Variants in CDHR2 observed in about 807,000 individuals in gnomAD.
CDHR2 encodes the protein cadherin related family member 2, also known as cadherin-related family member 2.
Under a neutral mutation model 138.6 loss-of-function variants are expected in CDHR2, and 104 were observed. The observed-to-expected ratio is 0.75, with a 90% CI of 0.64 to 0.88. CDHR2 has a LOEUF of 0.88. Ranked by LOEUF, CDHR2 falls within the 40% of genes least tolerant of loss-of-function variation. CDHR2 has a pLI of 0.00. For synonymous variants in CDHR2, 755 were observed against 742.8 expected (o/e 1.02, Z -0.27); for missense variants, 1,624 against 1,727.6 (o/e 0.94, Z 1.06).
chr5:176,585,941 C>T lies in CDHR2; in HGVS notation c.2735-13C>T, dbSNP rs775667025. The T allele has an allele frequency of 1.1e-5, 18 of 1,610,166 alleles. No individual in the cohort carries two copies. The highest frequency in any genetic ancestry group is 1.5e-5 in the Non-Finnish European group (18 of 1,176,710). On this transcript the variant is annotated splice_polypyrimidine_tract_variant and intron_variant, in intron 19 of 31. Coordinates refer to ENST00000261944, the MANE Select transcript of CDHR2 (RefSeq NM_017675.6). ...TTTGCCCAGAGCCAAAGCCAGCTGA[C>T]CTTGTCTCCTAGGAAGCCTCCTCAT...
At chr5:176,565,529 A>G in intron 2 of CDHR2, 125 bp downstream of exon 2, 2 of 1,254,742 alleles carry the variant, frequency 1.6e-6, no homozygotes, top group Non-Finnish European at 2.3e-6. Context: ...GTGCTTGGCT[A>G]AGCTGGGGAG....
intron 6 of CDHR2, among the ~76,000 whole-genome samples, chr5:176,572,222 GAA>G (rs34496800): frequency 0.24 from 32,086 of 132,380 alleles, 3,816 homozygotes; most frequent in East Asian, 0.48. Flanking sequence ...CGTCTCTACT[GAA>G]AAAAAAAAAA....
intron 12 of CDHR2, 135 bp from the exon 13 acceptor site, chr5:176,577,264 C>G: frequency 1.0e-6 from 1 of 956,610 alleles, no homozygotes; most frequent in Non-Finnish European, 1.5e-6. Context: ...CACCCTCTCT[C>G]GCAGTCTTTT....
chr5:176,588,406 A>T (rs373219689), intron 21 of CDHR2, among the ~76,000 whole-genome samples: 41,596 of 133,442 alleles, frequency 0.31, 5,723 homozygotes, highest in Middle Eastern at 0.36. Context: ...AGTGCATGAG[A>T]GAGTGAGGGT....
At chr5:176,560,955 A>T (rs573212970) in intron 1 of CDHR2, among the ~76,000 whole-genome samples, 2 of 149,656 alleles carry the variant, frequency 1.3e-5, no homozygotes, top group South Asian at 4.4e-4. Flanking sequence ...ACGTAGCCAG[A>T]TCAGAACCAG....
intron 1 of CDHR2, among the ~76,000 whole-genome samples, chr5:176,557,394 C>T (rs929958725): frequency 2.6e-5 from 4 of 151,968 alleles, no homozygotes; most frequent in Admixed American, 1.3e-4. Context: ...TTTGCAGGGA[C>T]GGGTTTTTGC....
chr5:176,571,236 T>C lies in CDHR2; in HGVS notation c.339T>C (p.Ile113=). The part of the protein sequence containing the change: ...YIQVQREMLV[I]VEDRNDNAPV... ...AGGTGCAGAGGGAGATGCTGGTGAT[T>C]GTGGAAGATAGAAACGACAACGCAC... Residue 113 remains isoleucine, a synonymous_variant, in exon 6 of 32, where the codon ATT becomes ATC. Transcript: ENST00000261944. 6.2e-7 allele frequency: 1 copy of C among 1,612,814 alleles called. No homozygotes were observed. Among genetic ancestry groups the C allele is most frequent in the Non-Finnish European group, 8.5e-7 (1 of 1,179,568 alleles).
In CDHR2 at chr5:176,595,641, C is replaced by G; in HGVS notation, c.3902C>G (p.Thr1301Ser). Reference protein sequence around the residue: ...ASGQLEGPSYTNAGLDTTDL With the variant: ...ASGQLEGPSYSNAGLDTTDL ...GGACAGCTGGAGGGGCCATCCTACACCAACGCTGGCCTGGACACCACGGAC... is the reference window on the plus strand; with the variant it reads ...GGACAGCTGGAGGGGCCATCCTACAGCAACGCTGGCCTGGACACCACGGAC... Residue 1301 changes from threonine to serine, a missense_variant, in exon 32 of 32, where the codon ACC becomes AGC. Thr to Ser is a moderately conservative substitution (Grantham distance 58, BLOSUM62 1). This residue lies in a region of CDHR2 where 556 missense variants were observed against 565.7 expected (regional missense o/e 0.98). Coordinates refer to ENST00000261944, the MANE Select transcript of CDHR2 (RefSeq NM_017675.6). 1 of 1,608,960 alleles carries G rather than the reference C, an allele frequency of 6.2e-7. No homozygotes were observed. Among genetic ancestry groups the G allele is most frequent in the Admixed American group, 1.7e-5 (1 of 59,538 alleles).
downstream of CDHR2, chr5:176,595,837 C>T (rs948071449): frequency 2.0e-4 from 132 of 655,034 alleles, no homozygotes; most frequent in Middle Eastern, 9.1e-4. Flanking sequence ...TATACTGTGA[C>T]AGTTTGTAGC....
intron 28 of CDHR2, 140 bp downstream of exon 28, chr5:176,590,827 T>C: frequency 1.7e-6 from 2 of 1,146,956 alleles, no homozygotes; most frequent in African/African-American, 1.5e-5. Flanking sequence ...TGCGAGATCT[T>C]GGGTGAGTCA....
intron 5 of CDHR2, among the ~76,000 whole-genome samples, chr5:176,569,988 A>T (rs1758186803): frequency 6.6e-6 from 1 of 152,094 alleles, no homozygotes; most frequent in South Asian, 2.1e-4. Context: ...GATAAAACGA[A>T]AGTCCCCTTG....
At chr5:176,585,826 T>C in intron 19 of CDHR2, 128 bp from the exon 20 acceptor site, 1 of 713,040 alleles carries the variant, frequency 1.4e-6, no homozygotes, top group Non-Finnish European at 2.4e-6. Context: ...GGCACAGGGT[T>C]GAGGCTGCGG....
intron 30 of CDHR2, 116 bp from the exon 31 acceptor site, chr5:176,592,607 G>A (rs1031874456): frequency 2.5e-6 from 2 of 795,308 alleles, no homozygotes; most frequent in Admixed American, 1.8e-5. Context: ...GGTGGTGATG[G>A]TGATGATGGT....
At position 176,556,537 on chromosome 5, in the gene CDHR2, C is replaced by T. The variant is rs979286297; in HGVS notation, c.-16+7123C>T. On this transcript the variant is annotated intron_variant, in intron 1 of 31. Transcript: ENST00000261944. ...AAAATTAGCCGGGTGTGGTGGCAGG[C>T]ACCTGTAGTCCCAGCTACTCGGGAG... Among the ~76,000 whole-genome samples, 9 of 152,276 alleles carry T rather than the reference C, an allele frequency of 5.9e-5. No homozygotes were observed. The East Asian group carries it at 1.2e-3, about 20-fold the overall frequency.
rs1758459506 is a variant in CDHR2, at chr5:176,578,580, A to G, written c.1790A>G (p.Glu597Gly). ...SGSYNIFVQE[E>G]EGNVSVTIQA... ...TCCTACAACATCTTCGTCCAGGAGG[A>G]GGAGGGCAATGTCTCCGTGACCATC... Residue 597 changes from glutamate to glycine, a missense_variant, in exon 16 of 32, where the codon GAG (glutamate) becomes GGG (glycine). By Grantham distance (98) the Glu-to-Gly change is moderately conservative. Around this residue, in one of 3 missense-constraint regions of CDHR2, gnomAD observed 1,061 missense variants for 1,136.6 expected, o/e 0.93. Coordinates refer to ENST00000261944, the MANE Select transcript of CDHR2 (RefSeq NM_017675.6). The G allele has an allele frequency of 6.2e-7, 1 of 1,612,988 alleles. No individual in the cohort carries two copies. Among genetic ancestry groups the G allele is most frequent in the Admixed American group, 1.7e-5 (1 of 59,994 alleles).
chr5:176,565,505 T>C, intron 2 of CDHR2, 101 bp downstream of exon 2: 1 of 1,329,628 alleles, frequency 7.5e-7, no homozygotes, highest in Non-Finnish European at 1.1e-6. Flanking sequence ...CACCAGCTCC[T>C]ATGGGCCAGC....
chr5:176,571,782 C>T (rs1041223929), intron 6 of CDHR2, among the ~76,000 whole-genome samples: 14 of 152,056 alleles, frequency 9.2e-5, no homozygotes, highest in African/African-American at 2.7e-4. Flanking sequence ...GTGATCCGCA[C>T]GCCTCGGCCT....
Position 176,565,730 on chromosome 5 carries a change from G to A in CDHR2, c.111G>A (p.Glu37=), listed in dbSNP as rs575760334. 24 of 1,613,824 alleles carry A rather than the reference G, an allele frequency of 1.5e-5. No homozygotes were observed. In the East Asian group the frequency reaches 2.5e-4, roughly 16 times the overall value. The change falls in exon 3 of 32, where the codon GAG becomes GAA. Residue 37 remains glutamate (E), a synonymous_variant. Coordinates refer to ENST00000261944, the MANE Select transcript of CDHR2 (RefSeq NM_017675.6). ...ACATGACGTCAGTGATCCTGCCTGAGGACCTGCCTGTGGGTGAGTCCCGGT... is the reference window on the plus strand; with the variant it reads ...ACATGACGTCAGTGATCCTGCCTGAAGACCTGCCTGTGGGTGAGTCCCGGT... ...LANMTSVILP[E]DLPVGAQAFW... is the part of the protein sequence containing the mutation.
In CDHR2 at chr5:176,575,120, C is replaced by T. The variant is rs755427823; in HGVS notation, c.532C>T (p.Arg178Trp). 22 of 1,614,068 alleles carry T rather than the reference C, an allele frequency of 1.4e-5. No homozygotes were observed. Among genetic ancestry groups the T allele is most frequent in the Admixed American group, 1.7e-5 (1 of 60,008 alleles). ...CACTGGGGACAGCGAGCATCTCTTCCGGATCCTGGCCAATGGCTCCATAGT... is the reference window on the plus strand; with the variant it reads ...CACTGGGGACAGCGAGCATCTCTTCTGGATCCTGGCCAATGGCTCCATAGT... ...PSTGDSEHLF[R>W]ILANGSIVLN... is the part of the protein sequence containing the mutation. Residue 178 changes from arginine (R) to tryptophan (W), a missense_variant, in exon 8 of 32, where the codon CGG becomes TGG. Arg to Trp is a moderately radical substitution (Grantham distance 101). This residue lies in a region of CDHR2 where 1,061 missense variants were observed against 1,136.6 expected (regional missense o/e 0.93). Coordinates refer to ENST00000261944, the MANE Select transcript of CDHR2 (RefSeq NM_017675.6).
Sources: gnomAD v4.1 joint callset for allele counts (sites outside exome capture counted in the v4.1 genomes callset) on GRCh38, gnomAD v4.1.1 for gene constraint, gnomAD v4.1.1 regional missense constraint, MANE v1.5 for transcripts, NCBI Gene and HGNC (gene_info 2026-07-23, HGNC 2026-07-21) for gene names.